RRM2B: variants seen among roughly 807,000 people sequenced by gnomAD.
The protein encoded by RRM2B is ribonucleotide reductase regulatory TP53 inducible subunit M2B, also known as ribonucleoside-diphosphate reductase subunit M2 B.
In RRM2B, 20 loss-of-function variants were observed where a neutral mutation model predicts 45.9. The ratio of observed to expected loss-of-function variants is 0.44; its 90% CI spans 0.31 to 0.63. The LOEUF (loss-of-function observed/expected upper bound fraction) is 0.63. RRM2B is among the 30% of genes least tolerant of loss of function. The pLI is 0.09. For synonymous variants in RRM2B, 124 were observed against 132.3 expected (o/e 0.94, Z 0.43); for missense variants, 320 against 414.7 (o/e 0.77, Z 1.98).
In RRM2B at chr8:102,218,813, C is replaced by T. The variant is rs1167718213; in HGVS notation, c.684+1G>A. ...AACTAGAAAAACATTCCATTCCTTACTTCATCTCTGCTGATGAGTTCATTG... is the reference window on the plus strand; with the variant it reads ...AACTAGAAAAACATTCCATTCCTTATTTCATCTCTGCTGATGAGTTCATTG... On this transcript the variant is annotated splice_donor_variant, in intron 6 of 8. Coordinates refer to ENST00000251810, the MANE Select transcript of RRM2B (RefSeq NM_015713.5). LOFTEE classifies it high-confidence loss of function. 1 of 1,604,166 alleles carries T rather than the reference C, an allele frequency of 6.2e-7. No homozygotes were observed. The highest frequency in any genetic ancestry group is 1.7e-5 in the Admixed American group (1 of 59,782).
chr8:102,231,501 T>C (rs189924225), intron 2 of RRM2B, among the ~76,000 whole-genome samples: 11 of 152,380 alleles, frequency 7.2e-5, no homozygotes, highest in African/African-American at 2.4e-4. Context: ...GCTGCAATTT[T>C]ACTTATTCTG....
chr8:102,233,314 G>A (rs1323042130), intron 1 of RRM2B, among the ~76,000 whole-genome samples: 2 of 152,184 alleles, frequency 1.3e-5, no homozygotes, highest in African/African-American at 2.4e-5. Flanking sequence ...GCAAATACAG[G>A]GGGGCTTGCG....
chr8:102,230,340 T>G (rs1811006418), intron 2 of RRM2B, among the ~76,000 whole-genome samples: 2 of 152,254 alleles, frequency 1.3e-5, no homozygotes, highest in South Asian at 2.1e-4. Flanking sequence ...CCTGTAGATT[T>G]CAGTTTTTAA....
chr8:102,236,431 T>A (rs934962881), intron 1 of RRM2B, among the ~76,000 whole-genome samples: 1 of 152,094 alleles, frequency 6.6e-6, no homozygotes, highest in Non-Finnish European at 1.5e-5. Context: ...AAAACTAGAT[T>A]TTGCAAGCAA....
intron 6 of RRM2B, 133 bp downstream of exon 6, chr8:102,218,681 G>C: frequency 1.4e-6 from 1 of 716,656 alleles, no homozygotes; most frequent in Non-Finnish European, 2.3e-6. Context: ...AGCCATGATC[G>C]TGCCACTGTA....
At chr8:102,227,128 G>A (rs1437008396) in intron 2 of RRM2B, among the ~76,000 whole-genome samples, 3 of 151,818 alleles carry the variant, frequency 2.0e-5, no homozygotes, top group Admixed American at 6.6e-5. Context: ...GATTACAGGT[G>A]TGAGCCATCA....
intron 1 of RRM2B, 155 bp downstream of exon 1, chr8:102,238,672 G>A (rs1811171756): frequency 1.3e-6 from 2 of 1,541,106 alleles, no homozygotes; most frequent in South Asian, 1.2e-5. Context: ...CGGCCTCCCC[G>A]GCGCTCGCAA....
intron 8 of RRM2B, among the ~76,000 whole-genome samples, chr8:102,211,771 AAC>A (rs1421260863): frequency 6.6e-6 from 1 of 152,216 alleles, no homozygotes; most frequent in Non-Finnish European, 1.5e-5. Flanking sequence ...TTAATTAGTA[AAC>A]ACAGAGAGGA....
intron 7 of RRM2B, 68 bp from the exon 8 acceptor site, chr8:102,212,957 G>C: frequency 1.2e-6 from 1 of 829,388 alleles, no homozygotes; most frequent in Non-Finnish European, 2.0e-6. Context: ...CAAATAGAAA[G>C]AGGACTTTCG....
chr8:102,221,345 C>G (rs1173334535), intron 5 of RRM2B, among the ~76,000 whole-genome samples: 2 of 152,098 alleles, frequency 1.3e-5, no homozygotes, highest in East Asian at 3.9e-4. Flanking sequence ...CTAAGAAGGT[C>G]ACCAAAAATG....
chr8:102,220,306 C>A (rs1004860658), intron 5 of RRM2B, among the ~76,000 whole-genome samples: 3 of 152,138 alleles, frequency 2.0e-5, no homozygotes, highest in African/African-American at 7.2e-5. Flanking sequence ...CTTACTGTAT[C>A]TTTTATCTTA....
At chr8:102,218,697 G>C in intron 6 of RRM2B, 117 bp downstream of exon 6, 1 of 859,820 alleles carries the variant, frequency 1.2e-6, no homozygotes, top group Non-Finnish European at 1.8e-6. Flanking sequence ...CTGTATGCCA[G>C]CCTGGGTGAC....
intron 1 of RRM2B, among the ~76,000 whole-genome samples, chr8:102,237,816 A>G (rs929067952): frequency 1.3e-5 from 2 of 152,248 alleles, no homozygotes; most frequent in African/African-American, 4.8e-5. Context: ...TAGTTACTAA[A>G]TGCTTACAAA....
At chr8:102,217,392 C>T (rs1810749175) in intron 6 of RRM2B, among the ~76,000 whole-genome samples, 1 of 151,998 alleles carries the variant, frequency 6.6e-6, no homozygotes, top group South Asian at 2.1e-4. Context: ...TCCTATATGA[C>T]ATTTCTAATA....
intron 1 of RRM2B, among the ~76,000 whole-genome samples, chr8:102,237,306 T>C (rs1811137750): frequency 6.6e-6 from 1 of 152,232 alleles, no homozygotes; most frequent in South Asian, 2.1e-4. Flanking sequence ...TCAGGAGATT[T>C]ATAAAGCCCC....
chr8:102,237,168 G>T (rs1465724592), intron 1 of RRM2B, among the ~76,000 whole-genome samples: 4 of 152,100 alleles, frequency 2.6e-5, no homozygotes, highest in African/African-American at 9.7e-5. Context: ...ATGTTTTCTG[G>T]CCTAAACTTT....
intron 5 of RRM2B, among the ~76,000 whole-genome samples, chr8:102,223,462 G>A (rs1194022208): frequency 1.3e-5 from 2 of 152,126 alleles, no homozygotes; most frequent in East Asian, 3.9e-4. Flanking sequence ...GGAGGCCAAG[G>A]TGGGCGGGTC....
chr8:102,208,152 G>A lies in RRM2B; in HGVS notation c.1037C>T (p.Thr346Ile). The A allele has an allele frequency of 1.2e-6, 2 of 1,613,216 alleles. No individual in the cohort carries two copies. Among genetic ancestry groups the A allele is most frequent in the Non-Finnish European group, 1.7e-6 (2 of 1,179,366 alleles). The change falls in exon 9 of 9, where the codon ACC becomes ATC. Residue 346 changes from threonine to isoleucine, a missense_variant. Coordinates refer to ENST00000251810, the MANE Select transcript of RRM2B (RefSeq NM_015713.5). ...VMAETTDNVF[T>I]LDADF ...GGTTTTTTAAAAATCTGCATCCAAG[G>A]TGAAGACGTTATCTGTGGTTTCTGC...
In RRM2B at chr8:102,205,438, C is replaced by T. The variant is rs972744943; in HGVS notation, c.*2695G>A. The T allele has an allele frequency of 2.0e-5, 3 of 152,052 alleles. No homozygotes were observed. Among genetic ancestry groups the T allele is most frequent in the African/African-American group, 7.2e-5 (3 of 41,428 alleles). 9.4% of individuals were successfully genotyped at this position (152,052 alleles called of 1,614,324 possible). A position where few individuals can be genotyped will look rare whatever the true frequency, so the allele number is the denominator to read the frequency against. On this transcript the variant is annotated 3_prime_UTR_variant, in exon 9 of 9. Transcript: ENST00000251810. ...AAAATTTCATGTATTAATATCAAGACAAGGCTGGGGCCAGCTTAGTTGTAA... is the reference window on the plus strand; with the variant it reads ...AAAATTTCATGTATTAATATCAAGATAAGGCTGGGGCCAGCTTAGTTGTAA...
Sources: allele counts gnomAD v4.1 joint callset (sites outside exome capture counted in the v4.1 genomes callset), GRCh38; gene constraint gnomAD v4.1.1; transcripts MANE v1.5; gene names NCBI Gene and HGNC (gene_info 2026-07-23, HGNC 2026-07-21).